CDH13: variants seen among roughly 807,000 people sequenced by gnomAD.
CDH13 encodes the protein cadherin-13.
In CDH13, 24 loss-of-function variants were observed where a neutral mutation model predicts 63.8. That is an observed-to-expected ratio of 0.38 (90% CI 0.27 to 0.53). The LOEUF (loss-of-function observed/expected upper bound fraction) is 0.53. CDH13 is among the 20% of genes least tolerant of loss of function. The pLI is 0.85. For synonymous variants in CDH13, 503 were observed against 355.3 expected (o/e 1.42, Z -4.67); for missense variants, 1,049 against 903.1 (o/e 1.16, Z -2.07).
chr16:83,249,312 C>A (rs988276186), intron 5 of CDH13, among the ~76,000 whole-genome samples: 1 of 152,186 alleles, frequency 6.6e-6, no homozygotes, highest in Non-Finnish European at 1.5e-5. Flanking sequence ...CTCACTCTGT[C>A]TTCACTGTAG....
In CDH13 at chr16:83,480,322, C is replaced by G. The variant is rs1418108467; in HGVS notation, c.782-6155C>G. Among the ~76,000 whole-genome samples the G allele has an allele frequency of 2.0e-5, 3 of 152,168 alleles. No individual in the cohort carries two copies. The East Asian group carries it at 5.8e-4, about 29-fold the overall frequency. ...CAGAGGGAGACCCTGTCTCAAACAA[C>G]AACAATAAAATTTGGGGCTTAACTG... On this transcript the variant is annotated intron_variant, in intron 6 of 13. Transcript: ENST00000567109.
intron 4 of CDH13, among the ~76,000 whole-genome samples, chr16:83,157,863 A>C (rs1472648728): frequency 3.9e-5 from 6 of 152,076 alleles, no homozygotes; most frequent in South Asian, 2.1e-4. Context: ...CAGTGAGCCA[A>C]GATCATGCCA....
chr16:83,163,236 C>T (rs2037521063), intron 4 of CDH13, among the ~76,000 whole-genome samples: 1 of 151,988 alleles, frequency 6.6e-6, no homozygotes, highest in Non-Finnish European at 1.5e-5. Context: ...TTGTAAATTG[C>T]CCAATCTCGA....
chr16:82,796,806 G>C (rs2036602105), intron 1 of CDH13, among the ~76,000 whole-genome samples: 1 of 152,202 alleles, frequency 6.6e-6, no homozygotes, highest in African/African-American at 2.4e-5. Context: ...TAAGACAGGG[G>C]AATTCAGAGA....
At chr16:83,669,533 C>A (rs901987985) in intron 8 of CDH13, among the ~76,000 whole-genome samples, 4 of 152,120 alleles carry the variant, frequency 2.6e-5, no homozygotes, top group Admixed American at 1.3e-4. Context: ...TTCTCATTCC[C>A]ACTATTTTCT....
chr16:83,542,739 C>A (rs576502774), intron 7 of CDH13, among the ~76,000 whole-genome samples: 2 of 152,200 alleles, frequency 1.3e-5, no homozygotes, highest in African/African-American at 2.4e-5. Context: ...TGTCTTTACA[C>A]GGCTGTCTCC....
At chr16:82,988,047 T>G (rs1911174378) in intron 2 of CDH13, among the ~76,000 whole-genome samples, 1 of 152,210 alleles carries the variant, frequency 6.6e-6, no homozygotes, top group African/African-American at 2.4e-5. Context: ...CACTGCCAAT[T>G]GAAGCACGGC....
chr16:83,373,273 A>T (rs940554409), intron 6 of CDH13, among the ~76,000 whole-genome samples: 1 of 152,208 alleles, frequency 6.6e-6, no homozygotes, highest in African/African-American at 2.4e-5. Flanking sequence ...ATTGCAAAGG[A>T]TAGGAGCATA....
chr16:82,861,931 T>C (rs989323888), intron 2 of CDH13, among the ~76,000 whole-genome samples: 2 of 152,248 alleles, frequency 1.3e-5, no homozygotes, highest in Non-Finnish European at 2.9e-5. Flanking sequence ...CTTGGCTTCA[T>C]CTCAGTCTTG....
In CDH13 at chr16:83,471,521, G is replaced by A. The variant is rs138654770; in HGVS notation, c.782-14956G>A. ...GAACTTCTGACCTCGTGATCCACCC[G>A]CCTCGGCCTCCCAAAGTGCTGGGAT... On this transcript the variant is annotated intron_variant, in intron 6 of 13. Transcript: ENST00000567109. Among the ~76,000 whole-genome samples the A allele has an allele frequency of 8.4e-3, 1,282 of 152,166 alleles. 12 individuals carry two copies. Among genetic ancestry groups the A allele is most frequent in the Non-Finnish European group, 0.013 (873 of 68,006 alleles).
chr16:83,663,823 A>G (rs1913674077), intron 8 of CDH13, among the ~76,000 whole-genome samples: 1 of 152,150 alleles, frequency 6.6e-6, no homozygotes, highest in African/African-American at 2.4e-5. Flanking sequence ...ACCACTCCGC[A>G]TCTTCAAAGA....
At chr16:83,568,458 G>A (rs770891526) in intron 7 of CDH13, among the ~76,000 whole-genome samples, 4 of 152,138 alleles carry the variant, frequency 2.6e-5, no homozygotes, top group South Asian at 2.1e-4. Flanking sequence ...ATGAATGTCC[G>A]CACATGTCAC....
chr16:82,872,583 G>C (rs752551343), intron 2 of CDH13, among the ~76,000 whole-genome samples: 13 of 151,502 alleles, frequency 8.6e-5, no homozygotes, highest in Non-Finnish European at 1.8e-4. Flanking sequence ...TTCTGTTACA[G>C]ATCAAATCTA....
intron 8 of CDH13, among the ~76,000 whole-genome samples, chr16:83,635,957 G>C (rs1911223560): frequency 6.6e-6 from 1 of 152,074 alleles, no homozygotes; most frequent in Non-Finnish European, 1.5e-5. Flanking sequence ...CTAAGTCCAT[G>C]ATCCTTTCGG....
chr16:82,727,601 T>A (rs1261662353), intron 1 of CDH13: 2 of 152,192 alleles, frequency 1.3e-5, no homozygotes, highest in African/African-American at 4.8e-5. Context: ...TAGAACATGG[T>A]GTATTCTTTC....
intron 11 of CDH13, among the ~76,000 whole-genome samples, chr16:83,759,767 A>T (rs759640899): frequency 6.6e-6 from 1 of 152,010 alleles, no homozygotes; most frequent in Non-Finnish European, 1.5e-5. Context: ...TCTTTACAAA[A>T]AATAAAAAAA....
intron 4 of CDH13, among the ~76,000 whole-genome samples, chr16:83,164,831 GTA>G (rs57130541): frequency 1.3e-5 from 2 of 151,030 alleles, no homozygotes; most frequent in Admixed American, 6.6e-5. Flanking sequence ...CTAACAGTGT[GTA>G]TATATATATA....
intron 5 of CDH13, among the ~76,000 whole-genome samples, chr16:83,324,051 T>TG (rs2090302189): frequency 1.3e-5 from 2 of 151,694 alleles, no homozygotes; most frequent in Admixed American, 6.6e-5. Flanking sequence ...TTTTTTTTTT[T>TG]TTTTGAGGTG....
At chr16:83,347,866 A>G in intron 6 of CDH13, among the ~76,000 whole-genome samples, 1 of 152,090 alleles carries the variant, frequency 6.6e-6, no homozygotes, top group East Asian at 1.9e-4. Flanking sequence ...AATAGCCCGC[A>G]TTTCTTCCTG....
Sources: allele counts gnomAD v4.1 joint callset (sites outside exome capture counted in the v4.1 genomes callset), GRCh38; gene constraint gnomAD v4.1.1; transcripts MANE v1.5; gene names NCBI Gene and HGNC (gene_info 2026-07-23, HGNC 2026-07-21).